FCN3: variants seen among roughly 807,000 people sequenced by gnomAD.
The protein encoded by FCN3 is ficolin-3.
In FCN3, 28 loss-of-function variants were observed where a neutral mutation model predicts 31.5. The ratio of observed to expected loss-of-function variants is 0.89; its 90% CI spans 0.66 to 1.22. The LOEUF is 1.22. Among genes scored for constraint, FCN3 ranks in the 50% most tolerant of loss-of-function variants. FCN3 has a pLI of 0.00. For synonymous variants in FCN3, 124 were observed against 147.4 expected (o/e 0.84, Z 1.15); for missense variants, 351 against 386.8 (o/e 0.91, Z 0.78).
chr1:27,371,206 T>C (rs917782841), intron 5 of FCN3, among the ~76,000 whole-genome samples: 3 of 152,216 alleles, frequency 2.0e-5, no homozygotes, highest in Non-Finnish European at 4.4e-5. Context: ...GAAGACTGAA[T>C]TGACAAAACA....
At chr1:27,372,405 G>A (rs925681744) in intron 5 of FCN3, among the ~76,000 whole-genome samples, 10 of 151,710 alleles carry the variant, frequency 6.6e-5, no homozygotes, top group African/African-American at 1.7e-4. Flanking sequence ...CCACCATCAC[G>A]CCTGGCTAAT....
rs1349661577 is a variant in FCN3 at position 27,370,619 on chromosome 1, C to T, written c.635G>A (p.Gly212Asp). Residue 212 changes from glycine (G) to aspartate (D), a missense_variant, in exon 7 of 8, where the codon GGC (glycine) becomes GAC (aspartate). Physicochemically the swap from Gly to Asp is moderately conservative, Grantham distance 94 (BLOSUM62 -1). Coordinates refer to ENST00000270879, the MANE Select transcript of FCN3 (RefSeq NM_003665.4). ...GEVDHYQLALGKFSEGTAGDS... is the reference protein window; with the variant it reads ...GEVDHYQLALDKFSEGTAGDS... ...ACCTGCAGTGCCCTCTGAGAACTTGCCCAGTGCCAGCTGGTAGTGGTCTAC... is the reference window on the plus strand; with the variant it reads ...ACCTGCAGTGCCCTCTGAGAACTTGTCCAGTGCCAGCTGGTAGTGGTCTAC... 6.2e-7 allele frequency: 1 copy of T among 1,614,112 alleles called. No individual in the cohort carries two copies. The highest frequency in any genetic ancestry group is 1.3e-5 in the African/African-American group (1 of 74,944).
At position 27,373,277 on chromosome 1, in the gene FCN3, G is replaced by C; in HGVS notation, c.266-14C>G. ...AGTTTCTGGGGCCTGGGAAAGGGGAGATGGACTGGGGTGGTGCCCAGGTTA... is the reference window on the plus strand; with the variant it reads ...AGTTTCTGGGGCCTGGGAAAGGGGACATGGACTGGGGTGGTGCCCAGGTTA... On this transcript the variant is annotated splice_polypyrimidine_tract_variant and intron_variant, in intron 4 of 7. Transcript: ENST00000270879. 6.2e-7 allele frequency: 1 copy of C among 1,614,046 alleles called. No individual in the cohort carries two copies. The highest frequency in any genetic ancestry group is 1.7e-5 in the Admixed American group (1 of 60,018).
intron 7 of FCN3, among the ~76,000 whole-genome samples, chr1:27,370,131 C>T (rs1049233712): frequency 3.3e-5 from 5 of 152,138 alleles, no homozygotes; most frequent in East Asian, 1.9e-4. Context: ...CTCAGCCTCC[C>T]GAGTAGCTGG....
chr1:27,374,261 G>T, intron 2 of FCN3, 95 bp downstream of exon 2: 3 of 885,126 alleles, frequency 3.4e-6, no homozygotes, highest in Non-Finnish European at 5.4e-6. Context: ...TAGGTTCCTT[G>T]CTCCTTTGTC....
At chr1:27,372,923 G>A (rs1030362246) in intron 5 of FCN3, among the ~76,000 whole-genome samples, 10 of 152,012 alleles carry the variant, frequency 6.6e-5, no homozygotes, top group African/African-American at 1.5e-4. Flanking sequence ...GATTACAGGC[G>A]TGAGCTACTG....
At chr1:27,371,537 C>G (rs2016146041) in intron 5 of FCN3, among the ~76,000 whole-genome samples, 1 of 151,984 alleles carries the variant, frequency 6.6e-6, no homozygotes, top group Non-Finnish European at 1.5e-5. Flanking sequence ...GATCACACCA[C>G]TGCACTCCAG....
chr1:27,374,472 G>T (rs1382732638), intron 1 of FCN3, 21 bp from the exon 2 acceptor site: 12 of 1,515,704 alleles, frequency 7.9e-6, no homozygotes, highest in African/African-American at 1.4e-5. Context: ...ACACAGGCAG[G>T]GTGGGCACAG....
intron 7 of FCN3, among the ~76,000 whole-genome samples, chr1:27,370,298 C>A (rs1284256767): frequency 6.6e-6 from 1 of 151,960 alleles, no homozygotes; most frequent in African/African-American, 2.4e-5. Flanking sequence ...CATGAGCCAC[C>A]GTGCCCGGCC....
At chr1:27,374,226 T>TG in intron 2 of FCN3, 130 bp downstream of exon 2, 1 of 736,334 alleles carries the variant, frequency 1.4e-6, no homozygotes, top group Non-Finnish European at 2.3e-6. Context: ...GGATGCCGGG[T>TG]GCCCAGCCTG....
At position 27,373,228 on chromosome 1, in the gene FCN3, C is replaced by T. The variant is rs749146507; in HGVS notation, c.301G>A (p.Ala101Thr). 9.3e-6 allele frequency: 15 copies of T among 1,613,996 alleles called. No individual in the cohort carries two copies. Among genetic ancestry groups the T allele is most frequent in the South Asian group, 6.6e-5 (6 of 91,092 alleles). The change falls in exon 5 of 8, where the codon GCC becomes ACC. Residue 101 changes from alanine to threonine, a missense_variant. Coordinates refer to ENST00000270879, the MANE Select transcript of FCN3 (RefSeq NM_003665.4). Reference sequence around the variant, plus strand: ...AGATGGTACCAGCCGCTCAAGGTGGCGCCCTGGCTCAACAGCTCCCGGCAG... The same window carrying T: ...AGATGGTACCAGCCGCTCAAGGTGGTGCCCTGGCTCAACAGCTCCCGGCAG... Reference protein sequence around the residue: ...RNCRELLSQGATLSGWYHLCL... With the variant: ...RNCRELLSQGTTLSGWYHLCL...
intron 1 of FCN3, 52 bp downstream of exon 1, chr1:27,374,676 C>A (rs2016215126): frequency 1.8e-6 from 2 of 1,119,390 alleles, no homozygotes; most frequent in Non-Finnish European, 2.5e-6. Context: ...GGGGGGACAC[C>A]CAGCGAGGGA....
Position 27,369,490 on chromosome 1 carries a change from G to A in FCN3, c.659-13C>T. ...CTCAGGGAATCCCCTAGCAGGGAAG[G>A]GATGGAAAGCACCTTGGTGCCCAGC... On this transcript the variant is annotated splice_polypyrimidine_tract_variant and intron_variant, in intron 7 of 7. Transcript: ENST00000270879. 1 of 1,611,778 alleles carries A rather than the reference G, an allele frequency of 6.2e-7. No individual in the cohort carries two copies.
rs2016124865 is a variant in FCN3, at chr1:27,370,588, TC to T, written c.658+7del. The T allele has an allele frequency of 1.9e-6, 3 of 1,613,334 alleles. No homozygotes were observed. The highest frequency in any genetic ancestry group is 2.5e-6 in the Non-Finnish European group (3 of 1,179,350). ...CCTCCTTCCTCTGCTCCCCTTAGGC[TC>T]ACTCACCTGCAGTGCCCTCTGAGAA... On this transcript the variant is annotated splice_region_variant and intron_variant, in intron 7 of 7. Coordinates refer to ENST00000270879, the MANE Select transcript of FCN3 (RefSeq NM_003665.4).
In FCN3 at chr1:27,373,206, T is replaced by A; in HGVS notation, c.323A>T (p.His108Leu). The part of the protein sequence containing the change: ...SQGATLSGWY[H>L]LCLPEGRALP... ...GGCCCTGCCCTCAGGTAGGCACAGATGGTACCAGCCGCTCAAGGTGGCGCC... is the reference window on the plus strand; with the variant it reads ...GGCCCTGCCCTCAGGTAGGCACAGAAGGTACCAGCCGCTCAAGGTGGCGCC... The change falls in exon 5 of 8, where the codon CAT (histidine) becomes CTT (leucine). Residue 108 changes from histidine to leucine, a missense_variant. His to Leu is a moderately conservative substitution (Grantham distance 99). Transcript: ENST00000270879. The A allele has an allele frequency of 1.2e-6, 2 of 1,614,022 alleles. No individual in the cohort carries two copies. The highest frequency in any genetic ancestry group is 1.7e-6 in the Non-Finnish European group (2 of 1,179,998).
intron 7 of FCN3, among the ~76,000 whole-genome samples, chr1:27,370,121 C>T (rs2016116416): frequency 6.6e-6 from 1 of 152,074 alleles, no homozygotes. Flanking sequence ...ATTCTCCTGC[C>T]TCAGCCTCCC....
intron 3 of FCN3, 190 bp downstream of exon 3, chr1:27,373,775 G>T: frequency 1.5e-6 from 1 of 661,240 alleles, no homozygotes. Flanking sequence ...ACTCCTCCCA[G>T]CCCTCCATCC....
Position 27,374,412 on chromosome 1 carries a change from G to T in FCN3, c.131C>A (p.Pro44His). The T allele has an allele frequency of 6.2e-7, 1 of 1,613,876 alleles. No individual in the cohort carries two copies. Among genetic ancestry groups the T allele is most frequent in the Non-Finnish European group, 8.5e-7 (1 of 1,179,922 alleles). The change falls in exon 2 of 8, where the codon CCC becomes CAC. Residue 44 changes from proline (P) to histidine (H), a missense_variant. Pro to His is a moderately conservative substitution (Grantham distance 77). Coordinates refer to ENST00000270879, the MANE Select transcript of FCN3 (RefSeq NM_003665.4). ...ELEASKVVLL[P>H]SCPGAPGSPG... is the part of the protein sequence containing the mutation. ...ACTTCCTGGAGCTCCGGGACAACTG[G>T]GCAGGAGGACAACTTTGCTGGCTTC...
At chr1:27,370,255 C>T (rs1012128559) in intron 7 of FCN3, among the ~76,000 whole-genome samples, 15 of 152,104 alleles carry the variant, frequency 9.9e-5, no homozygotes, top group African/African-American at 3.1e-4. Context: ...GTTATCTGCC[C>T]GCCTCGGCCT....
Sources: gnomAD v4.1 joint callset for allele counts (sites outside exome capture counted in the v4.1 genomes callset) on GRCh38, gnomAD v4.1.1 for gene constraint, MANE v1.5 for transcripts, NCBI Gene and HGNC (gene_info 2026-07-23, HGNC 2026-07-21) for gene names.